Variants in SZRD1 observed in about 807,000 individuals in gnomAD.
SZRD1 encodes SUZ RNA-binding domain-containing.
Under a neutral mutation model 17.6 loss-of-function variants are expected in SZRD1, and 7 were observed. That is an observed-to-expected ratio of 0.40 (90% CI 0.23 to 0.75). SZRD1 has a LOEUF of 0.75. Among genes scored for constraint, SZRD1 ranks in the 30% least tolerant of loss-of-function variants. The pLI, the probability that SZRD1 is intolerant of heterozygous loss-of-function variation, is 0.38. For missense variants in SZRD1, 178 were observed against 201.8 expected, an observed-to-expected ratio of 0.88 and a Z score of 0.71; for synonymous variants, 77 against 77.9, an observed-to-expected ratio of 0.99 and a Z score of 0.06.
Position 16,395,391 on chromosome 1 carries a change from GTGGGGGTTAGGGGAAGGT to G in SZRD1, c.*258_*275del. On this transcript the variant is annotated 3_prime_UTR_variant, in exon 4 of 4. Transcript: ENST00000401088. The stretch of plus-strand genomic sequence containing the variant: ...TCCCAAGTCAATGGAAAGGGAAAGG[GTGGGGGTTAGGGGAAGGT>G]TGGGGGGACCCAGCAAGGACTCAGA... The G allele has an allele frequency of 2.0e-6, 1 of 506,634 alleles. No homozygotes were observed. The highest frequency in any genetic ancestry group is 3.6e-6 in the Non-Finnish European group (1 of 275,520). The allele number at this position is 506,634 out of a possible 1,614,324, so 31.4% of individuals were successfully genotyped here. A position where few individuals can be genotyped will look rare whatever the true frequency, so the allele number is the denominator to read the frequency against.
At chr1:16,377,708 CCA>C (rs2083028930) in intron 1 of SZRD1, among the ~76,000 whole-genome samples, 1 of 152,120 alleles carries the variant, frequency 6.6e-6, no homozygotes, top group Admixed American at 6.5e-5. Context: ...ACCCTTCTGT[CCA>C]CATCAATCTC....
At chr1:16,375,205 C>T (rs1276331826) in intron 1 of SZRD1, among the ~76,000 whole-genome samples, 8 of 152,008 alleles carry the variant, frequency 5.3e-5, no homozygotes, top group Admixed American at 2.6e-4. Flanking sequence ...ACCGTTTGCT[C>T]CTACCAAGCA....
intron 1 of SZRD1, among the ~76,000 whole-genome samples, chr1:16,375,475 C>T (rs1330765194): frequency 2.0e-5 from 3 of 151,998 alleles, no homozygotes; most frequent in Non-Finnish European, 4.4e-5. Context: ...TCACCATGCC[C>T]GACTCATGTT....
At chr1:16,381,083 G>A (rs1435483480) in intron 1 of SZRD1, among the ~76,000 whole-genome samples, 3 of 123,414 alleles carry the variant, frequency 2.4e-5, no homozygotes, top group Non-Finnish European at 5.2e-5. Flanking sequence ...ACCCTGGCTC[G>A]TTAAAAAAAA....
chr1:16,372,018 C>T (rs542915049), intron 1 of SZRD1, among the ~76,000 whole-genome samples: 46 of 152,154 alleles, frequency 3.0e-4, no homozygotes, highest in Non-Finnish European at 6.5e-4. Context: ...AGTATCAAGT[C>T]CTATTGTGTC....
At chr1:16,373,600 A>G (rs79852726) in intron 1 of SZRD1, among the ~76,000 whole-genome samples, 2 of 150,482 alleles carry the variant, frequency 1.3e-5, no homozygotes, top group Non-Finnish European at 3.0e-5. Flanking sequence ...AAAAAACAAA[A>G]CACGTTTTTT....
At chr1:16,386,078 G>T (rs2085111073) in intron 1 of SZRD1, among the ~76,000 whole-genome samples, 1 of 152,226 alleles carries the variant, frequency 6.6e-6, no homozygotes, top group African/African-American at 2.4e-5. Flanking sequence ...TAGATCTTTT[G>T]CTTAGGATTT....
intron 1 of SZRD1, among the ~76,000 whole-genome samples, chr1:16,373,050 AC>A (rs1223453362): frequency 6.6e-6 from 1 of 152,052 alleles, no homozygotes; most frequent in Admixed American, 6.6e-5. Flanking sequence ...AGGCCGAGAG[AC>A]AAATACACAG....
intron 1 of SZRD1, among the ~76,000 whole-genome samples, chr1:16,381,042 C>T (rs911506034): frequency 1.3e-5 from 2 of 148,888 alleles, no homozygotes; most frequent in African/African-American, 5.0e-5. Context: ...ATGATTGCAT[C>T]ACTGCACTCC....
Position 16,398,036 on chromosome 1 carries a change from G to A in SZRD1, c.*2896G>A. The A allele has an allele frequency of 1.1e-6, 1 of 894,134 alleles. No homozygotes were observed. The highest frequency in any genetic ancestry group is 1.3e-6 in the Non-Finnish European group (1 of 746,780). The allele number at this position is 894,134 out of a possible 1,614,324, so 55.4% of individuals were successfully genotyped here. A position where few individuals can be genotyped will look rare whatever the true frequency, so the allele number is the denominator to read the frequency against. On this transcript the variant is annotated 3_prime_UTR_variant, in exon 4 of 4. Transcript: ENST00000401088. The stretch of plus-strand genomic sequence containing the variant: ...TGCACCCCTGCAGTCTTACTCTGCT[G>A]GTGTAGCGGGCAGCTGCCCACTCCC...
intron 1 of SZRD1, chr1:16,367,735 G>T: frequency 5.5e-6 from 1 of 180,646 alleles, no homozygotes. Flanking sequence ...AAGGAGGCAT[G>T]TCCGGCTTCG....
chr1:16,392,876 C>T (rs1344564792), intron 2 of SZRD1, among the ~76,000 whole-genome samples: 3 of 152,144 alleles, frequency 2.0e-5, no homozygotes, highest in South Asian at 2.1e-4. Flanking sequence ...TCTTAACTGA[C>T]GTCATTCAAT....
At position 16,387,822 on chromosome 1, in the gene SZRD1, G is replaced by A. The variant is rs141258217; in HGVS notation, c.52-3553G>A. On this transcript the variant is annotated intron_variant, in intron 1 of 3. Transcript: ENST00000401088. ...AATAGGCAATAGACTAATATGAGCT[G>A]TAGTACTTACTCAGGTAATAACACT... 9.4e-4 allele frequency: 366 copies of A among 390,418 alleles called. 2 individuals carry two copies. Among genetic ancestry groups the A allele is most frequent in the African/African-American group, 7.2e-3 (342 of 47,754 alleles). 24.2% of individuals were successfully genotyped at this position (390,418 alleles called of 1,614,324 possible). A position where few individuals can be genotyped will look rare whatever the true frequency, so the allele number is the denominator to read the frequency against.
At chr1:16,369,257 T>A (rs143361889) in intron 1 of SZRD1, 15 of 605,748 alleles carry the variant, frequency 2.5e-5, no homozygotes, top group African/African-American at 2.5e-4. Context: ...AAATTATTCT[T>A]CATATATGTT....
At chr1:16,377,445 C>T (rs532299636) in intron 1 of SZRD1, among the ~76,000 whole-genome samples, 4 of 151,264 alleles carry the variant, frequency 2.6e-5, no homozygotes, top group African/African-American at 9.7e-5. Context: ...ATGAGCGGGA[C>T]GTGGTCGTGT....
At chr1:16,376,232 C>T (rs2083000977) in intron 1 of SZRD1, among the ~76,000 whole-genome samples, 2 of 152,168 alleles carry the variant, frequency 1.3e-5, no homozygotes, top group South Asian at 4.1e-4. Flanking sequence ...TTGCTTCTCA[C>T]CAGATAATTA....
Position 16,395,121 on chromosome 1 carries a change from G to C in SZRD1, c.440G>C (p.Gly147Ala), listed in dbSNP as rs555567812. ...CCTTTGGGTCCTGATGGGTCTCAAGGCTTCAAACAGCGCAGATAAATGCAG... is the reference window on the plus strand; with the variant it reads ...CCTTTGGGTCCTGATGGGTCTCAAGCCTTCAAACAGCGCAGATAAATGCAG... ...RQPLGPDGSQ[G>A]FKQRR Residue 147 changes from glycine (G) to alanine (A), a missense_variant, in exon 4 of 4, where the codon GGC (glycine) becomes GCC (alanine). By Grantham distance (60) the Gly-to-Ala change is moderately conservative. Coordinates refer to ENST00000401088, the MANE Select transcript of SZRD1 (RefSeq NM_001114600.3). 2 of 1,612,712 alleles carry C rather than the reference G, an allele frequency of 1.2e-6. No individual in the cohort carries two copies. The highest frequency in any genetic ancestry group is 1.1e-5 in the South Asian group (1 of 91,062).
At chr1:16,379,115 C>T (rs2083051340) in intron 1 of SZRD1, among the ~76,000 whole-genome samples, 1 of 151,782 alleles carries the variant, frequency 6.6e-6, no homozygotes, top group Non-Finnish European at 1.5e-5. Context: ...ATTTAGGGTT[C>T]AGTTGTGTTT....
rs147325612 is a variant in SZRD1 at position 16,393,579 on chromosome 1, C to T, written c.356+97C>T. On this transcript the variant is annotated intron_variant, in intron 3 of 3. Coordinates refer to ENST00000401088, the MANE Select transcript of SZRD1 (RefSeq NM_001114600.3). This position sits in a 1 kb window ranked among gnomAD's most constrained non-coding sequence, Gnocchi z 5.6. ...TGCGTGTAGAGTAGTGAGAAGCAAG[C>T]AGAGTCAGGGTAGGAACCATGCAGC... The T allele has an allele frequency of 5.0e-3, 6,628 of 1,336,794 alleles. 21 individuals are homozygous for T. The highest frequency in any genetic ancestry group is 6.4e-3 in the Middle Eastern group (29 of 4,550). 82.8% of individuals were successfully genotyped at this position (1,336,794 alleles called of 1,614,324 possible). A position where few individuals can be genotyped will look rare whatever the true frequency, so the allele number is the denominator to read the frequency against.
Sources: allele counts gnomAD v4.1 joint callset (sites outside exome capture counted in the v4.1 genomes callset), GRCh38; gene constraint gnomAD v4.1.1; non-coding constraint Gnocchi (gnomAD v3.1); transcripts MANE v1.5; gene names NCBI Gene and HGNC (gene_info 2026-07-23, HGNC 2026-07-21).